The following GRM3 variants were observed in gnomAD, a reference collection of about 807,000 sequenced individuals.
The protein encoded by GRM3 is metabotropic glutamate receptor 3.
Under a neutral mutation model 70.5 loss-of-function variants are expected in GRM3, and 26 were observed. That is an observed-to-expected ratio of 0.37 (90% CI 0.27 to 0.51). The LOEUF (loss-of-function observed/expected upper bound fraction) is 0.51, where lower values mean the gene tolerates loss of function less well. Among genes scored for constraint, GRM3 ranks in the 20% least tolerant of loss-of-function variants. GRM3 has a pLI of 0.93. For missense variants in GRM3, 859 were observed against 1,123.8 expected (o/e 0.76, Z 3.37); for synonymous variants, 443 against 434.9 (o/e 1.02, Z -0.23).
At position 86,839,004 on chromosome 7, in the gene GRM3, T is replaced by C; in HGVS notation, c.1490T>C (p.Ile497Thr). ...ACCTTATCGCTAGATGTCAACTCTA[T>C]CCACTGGTCCCGGAACTCAGTCCCC... ...AETLSLDVNS[I>T]HWSRNSVPTS... is the part of the protein sequence containing the mutation. Residue 497 changes from isoleucine to threonine, a missense_variant, in exon 4 of 6, where the codon ATC (isoleucine) becomes ACC (threonine). Coordinates refer to ENST00000361669, the MANE Select transcript of GRM3 (RefSeq NM_000840.3). This position sits in a 1 kb window ranked among gnomAD's most constrained non-coding sequence, Gnocchi z 4.5. 5 of 1,614,140 alleles carry C rather than the reference T, an allele frequency of 3.1e-6. No homozygotes were observed. Among genetic ancestry groups the C allele is most frequent in the Non-Finnish European group, 4.2e-6 (5 of 1,179,998 alleles).
chr7:86,832,546 C>T (rs547415891), intron 3 of GRM3, among the ~76,000 whole-genome samples: 9 of 152,170 alleles, frequency 5.9e-5, no homozygotes, highest in East Asian at 1.9e-4. Context: ...CCACTGCGCC[C>T]GGCCACTGCT....
chr7:86,691,831 C>T (rs1794703749), intron 1 of GRM3, among the ~76,000 whole-genome samples: 2 of 152,110 alleles, frequency 1.3e-5, no homozygotes, highest in Admixed American at 6.5e-5. Context: ...GACTTCCCAG[C>T]CTCCAGAACT....
intron 1 of GRM3, among the ~76,000 whole-genome samples, chr7:86,741,533 G>A (rs984854348): frequency 2.6e-5 from 4 of 152,194 alleles, no homozygotes; most frequent in Non-Finnish European, 4.4e-5. Context: ...TGTTTTAGAT[G>A]ATGAACTGGT....
At chr7:86,654,012 G>A (rs1170477919) in intron 1 of GRM3, among the ~76,000 whole-genome samples, 1 of 152,144 alleles carries the variant, frequency 6.6e-6, no homozygotes, top group African/African-American at 2.4e-5. Flanking sequence ...GGGGGCAGGG[G>A]AAGGACCTCA....
At chr7:86,805,908 C>T (rs977949578) in intron 3 of GRM3, among the ~76,000 whole-genome samples, 1 of 150,400 alleles carries the variant, frequency 6.6e-6, no homozygotes, top group African/African-American at 2.5e-5. Flanking sequence ...CTCCCCGCAC[C>T]CCACGACAGG....
chr7:86,690,067 G>T (rs1188461657), intron 1 of GRM3, among the ~76,000 whole-genome samples: 2 of 133,836 alleles, frequency 1.5e-5, no homozygotes, highest in East Asian at 8.2e-4. Flanking sequence ...GAAATAGAAG[G>T]ATAAAAAAGT....
chr7:86,774,447 T>C (rs1475646144), intron 2 of GRM3, among the ~76,000 whole-genome samples: 1 of 152,130 alleles, frequency 6.6e-6, no homozygotes, highest in African/African-American at 2.4e-5. Flanking sequence ...GTGACTATTT[T>C]TGACAACACC....
chr7:86,767,218 A>C (rs1431995282), intron 2 of GRM3, among the ~76,000 whole-genome samples: 1 of 152,056 alleles, frequency 6.6e-6, no homozygotes, highest in Non-Finnish European at 1.5e-5. Context: ...ATCTCAAAAA[A>C]AAAAATGTAA....
intron 1 of GRM3, among the ~76,000 whole-genome samples, chr7:86,711,043 G>C (rs1449723901): frequency 6.6e-6 from 1 of 152,060 alleles, no homozygotes; most frequent in Non-Finnish European, 1.5e-5. Flanking sequence ...CTACCATGTA[G>C]TAGCTGTGTG....
At chr7:86,735,765 A>G (rs1486279354) in intron 1 of GRM3, among the ~76,000 whole-genome samples, 1 of 152,240 alleles carries the variant, frequency 6.6e-6, no homozygotes, top group Non-Finnish European at 1.5e-5. Flanking sequence ...GAAGTCTTTC[A>G]TAATGGGACT....
chr7:86,739,414 T>C (rs1177317068), intron 1 of GRM3, among the ~76,000 whole-genome samples: 1 of 152,222 alleles, frequency 6.6e-6, no homozygotes, highest in Non-Finnish European at 1.5e-5. Flanking sequence ...GAATTCAACT[T>C]TTTTAGATTC....
intron 3 of GRM3, among the ~76,000 whole-genome samples, chr7:86,823,039 C>A (rs1798154259): frequency 6.6e-6 from 1 of 152,252 alleles, no homozygotes; most frequent in African/African-American, 2.4e-5. Context: ...TGATGGGATG[C>A]TGGTAGCTGT....
At chr7:86,666,343 G>A (rs1427134802) in intron 1 of GRM3, among the ~76,000 whole-genome samples, 1 of 152,016 alleles carries the variant, frequency 6.6e-6, no homozygotes, top group Non-Finnish European at 1.5e-5. Context: ...CTTTTCAACA[G>A]CCAAAAACTT....
chr7:86,669,461 A>T lies in GRM3; in HGVS notation c.-141+24589A>T, dbSNP rs114915319. 9.0e-3 allele frequency among the ~76,000 whole-genome samples: 1,376 copies of T among 152,314 alleles called. 16 individuals carry two copies. Among genetic ancestry groups the T allele is most frequent in the African/African-American group, 0.032 (1,313 of 41,570 alleles). ...TGTGACAAGATTTCAGCCAGATTTA[A>T]GACTGGAAAATCTTCACATTTTTCT... is the stretch of plus-strand genomic sequence containing the variant. On this transcript the variant is annotated intron_variant, in intron 1 of 5. Transcript: ENST00000361669.
intron 4 of GRM3, 68 bp from the exon 5 acceptor site, chr7:86,850,302 C>A: frequency 9.4e-7 from 1 of 1,064,572 alleles, no homozygotes; most frequent in Non-Finnish European, 1.4e-6. Context: ...CTTATTTCAG[C>A]ACTCTCTTTA....
chr7:86,730,355 G>C (rs1795702438), intron 1 of GRM3, among the ~76,000 whole-genome samples: 1 of 152,166 alleles, frequency 6.6e-6, no homozygotes, highest in Non-Finnish European at 1.5e-5. Context: ...GGGAGGCGGA[G>C]GTTGCAGTGA....
At chr7:86,863,330 A>G (rs1464133547) in intron 5 of GRM3, among the ~76,000 whole-genome samples, 1 of 152,202 alleles carries the variant, frequency 6.6e-6, no homozygotes, top group Non-Finnish European at 1.5e-5. Context: ...ATATATCCAT[A>G]CTATATAATA....
chr7:86,682,762 G>A (rs1794472215), intron 1 of GRM3, among the ~76,000 whole-genome samples: 1 of 152,026 alleles, frequency 6.6e-6, no homozygotes, highest in Non-Finnish European at 1.5e-5. Context: ...CTTGCAATGT[G>A]CCAGAGAATG....
intron 1 of GRM3, among the ~76,000 whole-genome samples, chr7:86,654,407 G>A (rs1251837220): frequency 2.0e-5 from 3 of 152,126 alleles, no homozygotes; most frequent in Non-Finnish European, 4.4e-5. Context: ...AAGTTACACC[G>A]TGTCTCAGCA....
Sources: allele counts gnomAD v4.1 joint callset (sites outside exome capture counted in the v4.1 genomes callset), GRCh38; gene constraint gnomAD v4.1.1; non-coding constraint Gnocchi (gnomAD v3.1); transcripts MANE v1.5; gene names NCBI Gene and HGNC (gene_info 2026-07-23, HGNC 2026-07-21).